Variants in BBOX1 observed in about 807,000 individuals in gnomAD.
BBOX1 encodes the protein gamma-butyrobetaine hydroxylase 1, also known as gamma-butyrobetaine dioxygenase.
In BBOX1, 35 loss-of-function variants were observed where a neutral mutation model predicts 41.6. The observed-to-expected ratio is 0.84, with a 90% CI of 0.64 to 1.11. The LOEUF (loss-of-function observed/expected upper bound fraction) is 1.11, where lower values mean the gene tolerates loss of function less well. BBOX1 is among the 50% of genes most tolerant of loss of function. BBOX1 has a pLI of 0.00. For synonymous variants in BBOX1, 163 were observed against 154.7 expected (o/e 1.05, Z -0.40); for missense variants, 458 against 460.6 (o/e 0.99, Z 0.05).
intron 5 of BBOX1, among the ~76,000 whole-genome samples, chr11:27,106,914 A>G (rs1435464614): frequency 1.3e-5 from 2 of 152,208 alleles, no homozygotes; most frequent in Non-Finnish European, 2.9e-5. Context: ...CAATCAAACT[A>G]GAATTCAGGA....
At chr11:27,053,876 A>G (rs1362567100) in intron 2 of BBOX1, among the ~76,000 whole-genome samples, 2 of 152,206 alleles carry the variant, frequency 1.3e-5, no homozygotes, top group African/African-American at 4.8e-5. Flanking sequence ...AATAAGCATG[A>G]GAGCCAATTA....
intron 2 of BBOX1, among the ~76,000 whole-genome samples, chr11:27,043,418 C>CATGTTCAGAATGTGCAG (rs1482284669): frequency 6.7e-6 from 1 of 150,150 alleles, no homozygotes. Context: ...AGAATGTGCA[C>CATGTTCAGAATGTGCAG]GTTTGGGGTA....
intron 4 of BBOX1, among the ~76,000 whole-genome samples, chr11:27,072,100 G>A (rs536859547): frequency 1.6e-3 from 236 of 152,244 alleles, no homozygotes; most frequent in African/African-American, 5.4e-3. Flanking sequence ...GAAATAAAGG[G>A]TATTCAATTA....
chr11:27,095,875 C>T (rs145512260), intron 5 of BBOX1, among the ~76,000 whole-genome samples: 284 of 152,002 alleles, frequency 1.9e-3, no homozygotes, highest in Non-Finnish European at 3.1e-3. Flanking sequence ...GTCTGGGTAA[C>T]GTAGATTTAA....
chr11:27,101,329 T>G (rs774449310), intron 5 of BBOX1, among the ~76,000 whole-genome samples: 1 of 152,130 alleles, frequency 6.6e-6, no homozygotes, highest in African/African-American at 2.4e-5. Flanking sequence ...AAAGGGAAAA[T>G]GGCAATTAAT....
chr11:27,082,517 G>A (rs965296715), intron 4 of BBOX1, among the ~76,000 whole-genome samples: 16 of 152,096 alleles, frequency 1.1e-4, no homozygotes, highest in African/African-American at 2.2e-4. Context: ...CCTTTGGTGC[G>A]TGTTTTCCTT....
chr11:27,114,842 T>G (rs1250730529), intron 5 of BBOX1, among the ~76,000 whole-genome samples: 1 of 151,890 alleles, frequency 6.6e-6, no homozygotes, highest in Non-Finnish European at 1.5e-5. Context: ...GATTGGGCAG[T>G]GGATTCTTAG....
intron 5 of BBOX1, among the ~76,000 whole-genome samples, chr11:27,104,354 T>C (rs992337853): frequency 2.6e-5 from 4 of 152,192 alleles, no homozygotes; most frequent in Non-Finnish European, 5.9e-5. Flanking sequence ...ATAGGTCTTC[T>C]GGCTTTGAAA....
intron 2 of BBOX1, among the ~76,000 whole-genome samples, chr11:27,042,735 A>G (rs1185265965): frequency 1.3e-5 from 2 of 152,180 alleles, no homozygotes; most frequent in Non-Finnish European, 2.9e-5. Flanking sequence ...TTTAAAAATA[A>G]TAATAATAAC....
At chr11:27,061,962 G>A (rs1857145530) in intron 4 of BBOX1, among the ~76,000 whole-genome samples, 1 of 152,084 alleles carries the variant, frequency 6.6e-6, no homozygotes, top group Non-Finnish European at 1.5e-5. Flanking sequence ...GGGAACAATA[G>A]CCATGAGAAA....
chr11:27,077,261 G>T (rs1385627405), intron 4 of BBOX1, among the ~76,000 whole-genome samples: 1 of 152,066 alleles, frequency 6.6e-6, no homozygotes. Context: ...ATGCACAAAA[G>T]TCTTCCCACT....
At chr11:27,075,015 G>T (rs2134002352) in intron 4 of BBOX1, among the ~76,000 whole-genome samples, 1 of 152,300 alleles carries the variant, frequency 6.6e-6, no homozygotes, top group Middle Eastern at 3.4e-3. Context: ...TGGCTAATGT[G>T]GTACCTTGGG....
intron 4 of BBOX1, among the ~76,000 whole-genome samples, chr11:27,091,754 G>A (rs547232083): frequency 1.3e-3 from 192 of 152,018 alleles, no homozygotes; most frequent in African/African-American, 4.4e-3. Flanking sequence ...TCAACTTTCA[G>A]AGATGATACA....
chr11:27,079,398 C>T (rs921847772), intron 4 of BBOX1, among the ~76,000 whole-genome samples: 19 of 152,038 alleles, frequency 1.2e-4, no homozygotes, highest in Non-Finnish European at 2.4e-4. Flanking sequence ...TTAAGAATAG[C>T]TACAGATGAA....
At position 27,127,314 on chromosome 11, in the gene BBOX1, AC is replaced by A. The variant is rs1281671703; in HGVS notation, c.1026del (p.Trp343GlyfsTer20). 1 of 1,613,872 alleles carries A rather than the reference AC, an allele frequency of 6.2e-7. No individual in the cohort carries two copies. The highest frequency in any genetic ancestry group is 8.5e-7 in the Non-Finnish European group (1 of 1,179,998). On this transcript the variant is annotated frameshift_variant, in exon 9 of 9. Transcript: ENST00000263182. LOFTEE classifies it high-confidence loss of function. ...MNPGDVITFD[N>X]WRLLHGRRSY... ...TTAGGTGATGTGATTACTTTTGATA[AC>A]TGGCGCTTACTTCATGGCCGACGTA...
intron 4 of BBOX1, among the ~76,000 whole-genome samples, chr11:27,072,611 A>T (rs1857491994): frequency 6.6e-6 from 1 of 152,206 alleles, no homozygotes; most frequent in Non-Finnish European, 1.5e-5. Context: ...CCACATTGCC[A>T]AGTCAATCCT....
At chr11:27,049,780 A>G (rs1245298361) in intron 2 of BBOX1, among the ~76,000 whole-genome samples, 3 of 152,126 alleles carry the variant, frequency 2.0e-5, no homozygotes, top group African/African-American at 7.2e-5. Flanking sequence ...TGTATGATTT[A>G]CAAATATTTT....
intron 4 of BBOX1, among the ~76,000 whole-genome samples, chr11:27,082,028 T>C (rs1203390917): frequency 1.3e-5 from 2 of 152,152 alleles, no homozygotes; most frequent in Admixed American, 1.3e-4. Context: ...CTGATGATAG[T>C]TTCTTTTGCT....
chr11:27,121,510 T>G (rs933540917), intron 7 of BBOX1, among the ~76,000 whole-genome samples: 4 of 152,172 alleles, frequency 2.6e-5, no homozygotes, highest in Non-Finnish European at 5.9e-5. Context: ...GACTCCAGGC[T>G]AGCAATGGTG....
Sources: gnomAD v4.1 joint callset for allele counts (sites outside exome capture counted in the v4.1 genomes callset) on GRCh38, gnomAD v4.1.1 for gene constraint, MANE v1.5 for transcripts, NCBI Gene and HGNC (gene_info 2026-07-23, HGNC 2026-07-21) for gene names.